RAMP1: variants seen among roughly 807,000 people sequenced by gnomAD.
The protein encoded by RAMP1 is receptor activity-modifying protein 1.
RAMP1 carries 7 observed loss-of-function variants against 8.2 expected under a neutral mutation model. The ratio of observed to expected loss-of-function variants is 0.85; its 90% CI spans 0.49 to 1.60. The LOEUF (loss-of-function observed/expected upper bound fraction) is 1.60, where lower values mean the gene tolerates loss of function less well. Ranked by LOEUF, RAMP1 falls within the 40% of genes most tolerant of loss-of-function variation. RAMP1 has a pLI of 0.00. For synonymous variants in RAMP1, 92 were observed against 84.7 expected (o/e 1.09, Z -0.47); for missense variants, 192 against 202.4 (o/e 0.95, Z 0.31).
intron 2 of RAMP1, among the ~76,000 whole-genome samples, chr2:237,901,819 G>C (rs1162527334): frequency 6.6e-6 from 1 of 150,748 alleles, no homozygotes; most frequent in Non-Finnish European, 1.5e-5. Context: ...ACTAAACTGG[G>C]GGAGGCAGAA....
chr2:237,862,993 G>A lies in RAMP1; in HGVS notation c.52+3266G>A, dbSNP rs1179504271. Among the ~76,000 whole-genome samples, 2 of 152,192 alleles carry A rather than the reference G, an allele frequency of 1.3e-5. No individual in the cohort carries two copies. The highest frequency in any genetic ancestry group is 1.9e-4 in the East Asian group (1 of 5,190). On this transcript the variant is annotated intron_variant, in intron 1 of 2. Coordinates refer to ENST00000254661, the MANE Select transcript of RAMP1 (RefSeq NM_005855.4). This position sits in a 1 kb window ranked among gnomAD's most constrained non-coding sequence, Gnocchi z 4.0. ...TGAGCCCCTAGATCGAGCTCATGGG[G>A]TACACATTTCCATCATGTGACCCAT...
chr2:237,859,857 G>C, intron 1 of RAMP1, 130 bp downstream of exon 1: 1 of 904,054 alleles, frequency 1.1e-6, no homozygotes, highest in Non-Finnish European at 1.5e-6. Flanking sequence ...GCACAGATCC[G>C]CTGCCCTTGA....
chr2:237,898,155 G>T (rs1261975271), intron 2 of RAMP1, among the ~76,000 whole-genome samples: 1 of 152,138 alleles, frequency 6.6e-6, no homozygotes, highest in Non-Finnish European at 1.5e-5. Flanking sequence ...ATGCTGTTGG[G>T]AAAATGGCTT....
At chr2:237,860,696 C>A (rs1466109808) in intron 1 of RAMP1, among the ~76,000 whole-genome samples, 1 of 152,150 alleles carries the variant, frequency 6.6e-6, no homozygotes, top group Non-Finnish European at 1.5e-5. Context: ...TGTGGCCTTT[C>A]CCCGGAAACA....
chr2:237,897,291 G>A lies in RAMP1; in HGVS notation c.192-14237G>A, dbSNP rs531284331. 1.0e-3 allele frequency among the ~76,000 whole-genome samples: 158 copies of A among 152,340 alleles called. 1 individual carries two copies. The highest frequency in any genetic ancestry group is 1.7e-3 in the Non-Finnish European group (117 of 68,026). On this transcript the variant is annotated intron_variant, in intron 2 of 2. Coordinates refer to ENST00000254661, the MANE Select transcript of RAMP1 (RefSeq NM_005855.4). Reference sequence around the variant, plus strand: ...CCTGAGGCCCAGACAGGCCATGAGCGAGGGGAGGTGAGAATAAGGCCACAG... The same window carrying A: ...CCTGAGGCCCAGACAGGCCATGAGCAAGGGGAGGTGAGAATAAGGCCACAG...
At chr2:237,903,261 G>A (rs547977727) in intron 2 of RAMP1, among the ~76,000 whole-genome samples, 28 of 152,252 alleles carry the variant, frequency 1.8e-4, no homozygotes, top group East Asian at 1.2e-3. Flanking sequence ...TTCTGTGACC[G>A]CTGTCCTGTT....
At chr2:237,861,644 T>C (rs2062133554) in intron 1 of RAMP1, among the ~76,000 whole-genome samples, 1 of 152,056 alleles carries the variant, frequency 6.6e-6, no homozygotes, top group African/African-American at 2.4e-5. Flanking sequence ...GGTGAGGAAT[T>C]CAAGACCAGC....
At chr2:237,861,424 C>A (rs2062132160) in intron 1 of RAMP1, among the ~76,000 whole-genome samples, 1 of 152,104 alleles carries the variant, frequency 6.6e-6, no homozygotes, top group African/African-American at 2.4e-5. Context: ...AGCCAGGTCT[C>A]CTTGGTGATG....
chr2:237,888,502 G>A (rs1323217149), intron 2 of RAMP1, among the ~76,000 whole-genome samples: 1 of 152,186 alleles, frequency 6.6e-6, no homozygotes, highest in Admixed American at 6.5e-5. Flanking sequence ...GGTCAAAGGA[G>A]ATTTCCTCTG....
chr2:237,906,027 AAAAG>A lies in RAMP1; in HGVS notation c.192-5500_192-5497del, dbSNP rs1263473902. Among the ~76,000 whole-genome samples, 3 of 151,858 alleles carry A rather than the reference AAAAG, an allele frequency of 2.0e-5. No homozygotes were observed. In the East Asian group the frequency reaches 5.8e-4, roughly 29 times the overall value. On this transcript the variant is annotated intron_variant, in intron 2 of 2. Transcript: ENST00000254661. Reference sequence around the variant, plus strand: ...CTCTGTCTCAAAAAAAAAAAAAAAAAAAAGGCAGCATTCTCACTGTTTAGCCCTG... The same window carrying A: ...CTCTGTCTCAAAAAAAAAAAAAAAAAGCAGCATTCTCACTGTTTAGCCCTG...
chr2:237,894,604 C>A (rs1036127833), intron 2 of RAMP1, among the ~76,000 whole-genome samples: 3 of 152,186 alleles, frequency 2.0e-5, no homozygotes, highest in African/African-American at 7.2e-5. Context: ...GGGGGTGAGA[C>A]CCCCCTGCCA....
intron 2 of RAMP1, among the ~76,000 whole-genome samples, chr2:237,892,707 G>A (rs1169178110): frequency 6.6e-6 from 1 of 151,850 alleles, no homozygotes; most frequent in Non-Finnish European, 1.5e-5. Context: ...TGTGTGAGAT[G>A]ACAGGAATCT....
chr2:237,909,758 T>G (rs978647826), intron 2 of RAMP1, among the ~76,000 whole-genome samples: 4 of 152,166 alleles, frequency 2.6e-5, no homozygotes, highest in Non-Finnish European at 5.9e-5. Context: ...AAGGGCATCC[T>G]GTGGCCTACA....
chr2:237,866,422 G>A (rs1329715939), intron 1 of RAMP1, among the ~76,000 whole-genome samples: 6 of 152,088 alleles, frequency 3.9e-5, no homozygotes, highest in African/African-American at 1.2e-4. Context: ...AACCTAGGGT[G>A]GTCCTACCAC....
At position 237,884,605 on chromosome 2, in the gene RAMP1, A is replaced by G. The variant is rs1239077043; in HGVS notation, c.191+7243A>G. ...CCACCCTGTATGGCTTCAGGGTCTG[A>G]GTGCCATCTTGGGCAGGGGAAAGGT... On this transcript the variant is annotated intron_variant, in intron 2 of 2. Transcript: ENST00000254661. 2.0e-5 allele frequency among the ~76,000 whole-genome samples: 3 copies of G among 152,170 alleles called. No homozygotes were observed. In the East Asian group the frequency reaches 5.8e-4, roughly 29 times the overall value.
intron 1 of RAMP1, among the ~76,000 whole-genome samples, chr2:237,872,196 G>T (rs1004343818): frequency 2.6e-5 from 4 of 152,210 alleles, no homozygotes; most frequent in African/African-American, 9.6e-5. Context: ...GCCAAGGAGG[G>T]CCTGGCACGG....
rs1176595005 is a variant in RAMP1 at position 237,892,281 on chromosome 2, T to C, written c.191+14919T>C. On this transcript the variant is annotated intron_variant, in intron 2 of 2. Coordinates refer to ENST00000254661, the MANE Select transcript of RAMP1 (RefSeq NM_005855.4). ...TGTTTTTTCTTTCTTTCTTTCTTTT[T>C]TTTTTTTTTTTTTTTGAGACAAGCT... 4.2e-3 allele frequency among the ~76,000 whole-genome samples: 618 copies of C among 146,510 alleles called. 3 individuals are homozygous for C. Among genetic ancestry groups the C allele is most frequent in the African/African-American group, 0.012 (483 of 40,288 alleles).
At chr2:237,874,938 G>A (rs910532188) in intron 1 of RAMP1, among the ~76,000 whole-genome samples, 30 of 152,186 alleles carry the variant, frequency 2.0e-4, no homozygotes, top group African/African-American at 7.0e-4. Flanking sequence ...TGGAGGACAG[G>A]GCAGCGGAGG....
intron 1 of RAMP1, among the ~76,000 whole-genome samples, chr2:237,876,119 A>C (rs535453162): frequency 6.6e-6 from 1 of 152,272 alleles, no homozygotes; most frequent in African/African-American, 2.4e-5. Context: ...GCATCGGGGC[A>C]GCTCCAGTTC....
Sources: allele counts gnomAD v4.1 joint callset (sites outside exome capture counted in the v4.1 genomes callset), GRCh38; gene constraint gnomAD v4.1.1; non-coding constraint Gnocchi (gnomAD v3.1); transcripts MANE v1.5; gene names NCBI Gene and HGNC (gene_info 2026-07-23, HGNC 2026-07-21).